CELF2: variants seen among roughly 807,000 people sequenced by gnomAD.
CELF2 encodes CUG triplet repeat RNA-binding protein 2.
Under a neutral mutation model 62.6 loss-of-function variants are expected in CELF2, and 8 were observed. The observed-to-expected ratio is 0.13, with a 90% CI of 0.07 to 0.23. The LOEUF (loss-of-function observed/expected upper bound fraction) is 0.23. CELF2 is among the 10% of genes least tolerant of loss of function. The pLI, the probability that CELF2 is intolerant of heterozygous loss-of-function variation, is 1.00. For synonymous variants in CELF2, 258 were observed against 250.0 expected, an observed-to-expected ratio of 1.03 and a Z score of -0.30; for missense variants, 333 against 671.0, an observed-to-expected ratio of 0.50 and a Z score of 5.56.
intron 1 of CELF2, among the ~76,000 whole-genome samples, chr10:10,882,540 T>A (rs556754007): frequency 6.6e-6 from 1 of 152,346 alleles, no homozygotes; most frequent in South Asian, 2.1e-4. Context: ...ATGAAACTCA[T>A]TTAATTATTG....
the CELF2 span, among the ~76,000 whole-genome samples, chr10:10,686,608 A>C: frequency 6.6e-6 from 1 of 152,000 alleles, no homozygotes; most frequent in Admixed American, 6.6e-5. Flanking sequence ...AGTTCTCATG[A>C]GATCTTGTGG....
chr10:10,729,714 G>A, the CELF2 span, among the ~76,000 whole-genome samples: 5 of 151,948 alleles, frequency 3.3e-5, no homozygotes, highest in African/African-American at 9.7e-5. Context: ...GGGAGGCGGA[G>A]GGTGCAGTAA....
the CELF2 span, among the ~76,000 whole-genome samples, chr10:10,538,232 A>G: frequency 0.41 from 62,719 of 151,484 alleles, 13,596 homozygotes; most frequent in South Asian, 0.54. Flanking sequence ...TGAGCTGACA[A>G]TGACCGCCCC....
At chr10:10,961,874 A>T (rs1440951674) in intron 2 of CELF2, among the ~76,000 whole-genome samples, 1 of 151,962 alleles carries the variant, frequency 6.6e-6, no homozygotes. Flanking sequence ...CTTCCCTCAG[A>T]TCTTTTTTTC....
chr10:10,488,509 T>C, the CELF2 span, among the ~76,000 whole-genome samples: 1 of 152,164 alleles, frequency 6.6e-6, no homozygotes, highest in Non-Finnish European at 1.5e-5. Context: ...GTATTAGCTA[T>C]AACTTATAAG....
At chr10:11,284,440 T>TGTGTGGTGGGTGGATGAGGGATGA (rs2139418621) in intron 8 of CELF2, among the ~76,000 whole-genome samples, 1 of 137,332 alleles carries the variant, frequency 7.3e-6, no homozygotes, top group African/African-American at 2.8e-5. Flanking sequence ...GATGGATGAG[T>TGTGTGGTGGGTGGATGAGGGATGA]GTGTGGTGGG....
At chr10:11,026,882 G>C (rs2059303278) in intron 1 of CELF2, among the ~76,000 whole-genome samples, 1 of 152,144 alleles carries the variant, frequency 6.6e-6, no homozygotes, top group South Asian at 2.1e-4. Context: ...GCATTGAACT[G>C]TATTTTGACT....
intron 8 of CELF2, among the ~76,000 whole-genome samples, chr10:11,282,782 G>A (rs1427208856): frequency 6.6e-6 from 1 of 152,240 alleles, no homozygotes; most frequent in African/African-American, 2.4e-5. Flanking sequence ...TTCAGCCCGG[G>A]TCATGTGAGA....
intron 2 of CELF2, chr10:10,966,453 C>G (rs1170984727): frequency 6.6e-6 from 1 of 152,266 alleles, no homozygotes; most frequent in Non-Finnish European, 1.5e-5. Context: ...CATGGACAGT[C>G]CTGCTTGGAT....
intron 1 of CELF2, among the ~76,000 whole-genome samples, chr10:10,806,460 T>G (rs2055246381): frequency 6.6e-6 from 1 of 152,158 alleles, no homozygotes; most frequent in Non-Finnish European, 1.5e-5. Context: ...TGCCTTGGCC[T>G]CCCAAAGTCC....
intron 2 of CELF2, among the ~76,000 whole-genome samples, chr10:10,984,786 A>G (rs2052547420): frequency 6.6e-6 from 1 of 152,184 alleles, no homozygotes; most frequent in Admixed American, 6.5e-5. Flanking sequence ...TTAATATATG[A>G]ATATAAATTA....
chr10:11,005,471 A>G lies in CELF2; in HGVS notation c.53+31A>G. ...TTGTTGTGTCCTTTGTTTTTAATGCACGCTTTTCTAGTTTCTAGAGCTGGC... is the reference window on the plus strand; with the variant it reads ...TTGTTGTGTCCTTTGTTTTTAATGCGCGCTTTTCTAGTTTCTAGAGCTGGC... On this transcript the variant is annotated intron_variant, in intron 1 of 12. Coordinates refer to the CELF2 transcript ENST00000416382. The surrounding 1 kb of genome is among the most constrained non-coding windows in gnomAD (Gnocchi z 4.3). 1 of 1,613,790 alleles carries G rather than the reference A, an allele frequency of 6.2e-7. No homozygotes were observed.
chr10:10,623,109 AAAAAAAAAAAAAATT>A, the CELF2 span, among the ~76,000 whole-genome samples: 15 of 148,906 alleles, frequency 1.0e-4, no homozygotes, highest in African/African-American at 3.7e-4. Context: ...AAAAAAAAAA[AAAAAAAAAAAAAATT>A]GGATAAAATG....
intron 1 of CELF2, among the ~76,000 whole-genome samples, chr10:10,820,706 C>G (rs559333711): frequency 6.6e-6 from 1 of 152,302 alleles, no homozygotes; most frequent in Non-Finnish European, 1.5e-5. Context: ...TCGTTACTCA[C>G]ACTGAGATCA....
At chr10:11,057,298 G>A (rs911086721) in intron 1 of CELF2, among the ~76,000 whole-genome samples, 13 of 152,130 alleles carry the variant, frequency 8.5e-5, no homozygotes, top group Non-Finnish European at 1.6e-4. Flanking sequence ...TGTGTGGGGT[G>A]GGGGGTGGTC....
intron 1 of CELF2, among the ~76,000 whole-genome samples, chr10:11,090,907 A>G (rs527937789): frequency 3.3e-5 from 5 of 152,216 alleles, no homozygotes; most frequent in Non-Finnish European, 7.3e-5. Context: ...ACAGGCTAGA[A>G]ATAAACAACC....
At chr10:10,687,354 T>C in the CELF2 span, among the ~76,000 whole-genome samples, 1 of 152,220 alleles carries the variant, frequency 6.6e-6, no homozygotes, top group East Asian at 1.9e-4. Context: ...CATTTTCTCT[T>C]CCTGTAAATG....
chr10:11,255,654 GA>G lies in CELF2; in HGVS notation c.404-2083del, dbSNP rs376378026. On this transcript the variant is annotated intron_variant, in intron 4 of 12. Transcript: ENST00000633077. The surrounding 1 kb of genome is among the most constrained non-coding windows in gnomAD (Gnocchi z 5.5). The stretch of plus-strand genomic sequence containing the variant: ...GTCCCAGGAGCTGTCACAGTGGGGA[GA>G]GAGCTGGGTGGAAGGGATTCTGACC... 1.4e-4 allele frequency among the ~76,000 whole-genome samples: 21 copies of G among 152,238 alleles called. No homozygotes were observed. Among genetic ancestry groups the G allele is most frequent in the African/African-American group, 4.6e-4 (19 of 41,544 alleles).
chr10:10,888,830 G>A (rs1358967780), intron 1 of CELF2, among the ~76,000 whole-genome samples: 2 of 152,180 alleles, frequency 1.3e-5, no homozygotes, highest in Non-Finnish European at 2.9e-5. Flanking sequence ...TCAGCACGTT[G>A]TACATATATC....
Sources: allele counts gnomAD v4.1 joint callset (sites outside exome capture counted in the v4.1 genomes callset), GRCh38; gene constraint gnomAD v4.1.1; non-coding constraint Gnocchi (gnomAD v3.1); transcripts MANE v1.5; gene names NCBI Gene and HGNC (gene_info 2026-07-23, HGNC 2026-07-21).